Variants in ARHGAP26 observed in about 807,000 individuals in gnomAD.
ARHGAP26 encodes the protein Rho GTPase activating protein 26, also known as rho GTPase-activating protein 26.
In ARHGAP26, 38 loss-of-function variants were observed where a neutral mutation model predicts 104.8. That is an observed-to-expected ratio of 0.36 (90% CI 0.28 to 0.48). The LOEUF (loss-of-function observed/expected upper bound fraction) is 0.48. ARHGAP26 is among the 20% of genes least tolerant of loss of function. The pLI, the probability that ARHGAP26 is intolerant of heterozygous loss-of-function variation, is 0.99. For missense variants in ARHGAP26, 704 were observed against 947.9 expected, an observed-to-expected ratio of 0.74 and a Z score of 3.38; for synonymous variants, 341 against 340.0, an observed-to-expected ratio of 1.00 and a Z score of -0.03.
At chr5:143,192,575 A>C (rs545278812) in intron 20 of ARHGAP26, 48 of 152,356 alleles carry the variant, frequency 3.2e-4, no homozygotes, top group African/African-American at 1.1e-3. Flanking sequence ...TAAACTATTT[A>C]CTTTATGGCC....
chr5:142,772,520 C>T (rs1755425392), intron 1 of ARHGAP26, among the ~76,000 whole-genome samples: 1 of 152,208 alleles, frequency 6.6e-6, no homozygotes, highest in African/African-American at 2.4e-5. Context: ...GCACTGGGCA[C>T]TAAGGGTGTA....
chr5:143,054,313 AT>A, intron 14 of ARHGAP26, 125 bp from the exon 15 acceptor site: 6 of 584,970 alleles, frequency 1.0e-5, no homozygotes, highest in East Asian at 2.9e-5. Context: ...GGTAAAAAAA[AT>A]ACTTGTCATT....
intron 17 of ARHGAP26, among the ~76,000 whole-genome samples, chr5:143,080,258 G>T (rs1789611562): frequency 6.6e-6 from 1 of 152,126 alleles, no homozygotes. Flanking sequence ...TTAAATTGAG[G>T]CAAGATGCAG....
Position 143,092,963 on chromosome 5 carries a change from C to T in ARHGAP26, c.1539-28025C>T, listed in dbSNP as rs62374625. Among the ~76,000 whole-genome samples, 400 of 152,324 alleles carry T rather than the reference C, an allele frequency of 2.6e-3. 1 individual carries two copies. Among genetic ancestry groups the T allele is most frequent in the Non-Finnish European group, 4.2e-3 (287 of 68,030 alleles). On this transcript the variant is annotated intron_variant, in intron 17 of 22. Coordinates refer to ENST00000645722, the MANE Select transcript of ARHGAP26 (RefSeq NM_001135608.3). Reference sequence around the variant, plus strand: ...CAATCACCGGGGAGGAACCATCTATCGTCCTGTCCTGAAGGGAGTTCCTCC... The same window carrying T: ...CAATCACCGGGGAGGAACCATCTATTGTCCTGTCCTGAAGGGAGTTCCTCC...
At chr5:142,881,319 G>T (rs919672815) in intron 4 of ARHGAP26, among the ~76,000 whole-genome samples, 1 of 152,164 alleles carries the variant, frequency 6.6e-6, no homozygotes, top group African/African-American at 2.4e-5. Context: ...TGGCTTGAGG[G>T]TTACCATGGT....
intron 11 of ARHGAP26, among the ~76,000 whole-genome samples, chr5:142,965,788 G>A (rs1318806491): frequency 6.6e-6 from 1 of 152,312 alleles, no homozygotes; most frequent in South Asian, 2.1e-4. Flanking sequence ...TAGCCTAGGT[G>A]CCATACTTGG....
chr5:143,222,182 G>A (rs1811255773), intron 22 of ARHGAP26, among the ~76,000 whole-genome samples, 176 bp from the exon 23 acceptor site: 1 of 151,670 alleles, frequency 6.6e-6, no homozygotes, highest in Non-Finnish European at 1.5e-5. Flanking sequence ...CAGAACCTTT[G>A]GTTTAAACTT....
At chr5:143,127,666 T>C (rs552719439) in intron 18 of ARHGAP26, among the ~76,000 whole-genome samples, 1 of 152,296 alleles carries the variant, frequency 6.6e-6, no homozygotes, top group African/African-American at 2.4e-5. Context: ...TTAGCTCAAT[T>C]TGAGTTGATT....
At chr5:143,175,321 G>A (rs959227748) in intron 20 of ARHGAP26, among the ~76,000 whole-genome samples, 2 of 152,210 alleles carry the variant, frequency 1.3e-5, no homozygotes, top group Non-Finnish European at 2.9e-5. Flanking sequence ...TAAGCAAAAT[G>A]CTTAGGGGTG....
At chr5:142,942,417 A>T (rs1474148541) in intron 11 of ARHGAP26, among the ~76,000 whole-genome samples, 1 of 152,226 alleles carries the variant, frequency 6.6e-6, no homozygotes, top group Non-Finnish European at 1.5e-5. Context: ...GAAATAAGAT[A>T]TCTGGGCAGG....
Position 143,032,821 on chromosome 5 carries a change from C to T in ARHGAP26, c.1145-4375C>T, listed in dbSNP as rs117221124. ...AGTTGATGAGAGTGGAAATCAAGCT[C>T]TTTGTGTGTGTGCATGCATGCACAT... On this transcript the variant is annotated intron_variant, in intron 12 of 22. Coordinates refer to ENST00000645722, the MANE Select transcript of ARHGAP26 (RefSeq NM_001135608.3). 1.2e-3 allele frequency among the ~76,000 whole-genome samples: 180 copies of T among 152,184 alleles called. 1 individual carries two copies. In the East Asian group the frequency reaches 0.026, roughly 22 times the overall value.
intron 11 of ARHGAP26, among the ~76,000 whole-genome samples, chr5:142,976,207 T>C (rs1287607130): frequency 1.3e-5 from 2 of 152,250 alleles, no homozygotes; most frequent in Admixed American, 6.5e-5. Flanking sequence ...TTTTAATACA[T>C]GGTGATGCTT....
intron 1 of ARHGAP26, among the ~76,000 whole-genome samples, chr5:142,823,814 A>G (rs7703925): frequency 0.059 from 9,019 of 152,310 alleles, 416 homozygotes; most frequent in East Asian, 0.12. Flanking sequence ...ATTTAAAGGC[A>G]GTCTTTCCTT....
rs956710231 is a variant in ARHGAP26 at position 142,779,453 on chromosome 5, T to G, written c.154+8538T>G. 4.6e-5 allele frequency among the ~76,000 whole-genome samples: 7 copies of G among 151,936 alleles called. No individual in the cohort carries two copies. In the South Asian group the frequency reaches 1.4e-3, roughly 31 times the overall value. ...TGTGTGTGTGTGTGTGTGTTTTCTT[T>G]GCCAGATAGACAAAGGTTTGAGGGG... On this transcript the variant is annotated intron_variant, in intron 1 of 22. Transcript: ENST00000645722.
At chr5:142,814,619 G>A (rs965135663) in intron 1 of ARHGAP26, among the ~76,000 whole-genome samples, 2 of 152,172 alleles carry the variant, frequency 1.3e-5, no homozygotes, top group African/African-American at 2.4e-5. Context: ...ATAAGATTCT[G>A]GAAGTACTGA....
chr5:143,167,994 G>T (rs1347827852), intron 20 of ARHGAP26, among the ~76,000 whole-genome samples: 1 of 152,186 alleles, frequency 6.6e-6, no homozygotes, highest in African/African-American at 2.4e-5. Flanking sequence ...AATGGTCTAG[G>T]TGCTACAGGA....
intron 1 of ARHGAP26, among the ~76,000 whole-genome samples, chr5:142,861,938 A>G (rs1256781332): frequency 6.6e-6 from 1 of 152,170 alleles, no homozygotes; most frequent in South Asian, 2.1e-4. Context: ...TTGCCCTCAA[A>G]TTCACGTTAG....
chr5:143,062,832 G>A (rs1001793672), intron 17 of ARHGAP26, among the ~76,000 whole-genome samples: 1 of 152,090 alleles, frequency 6.6e-6, no homozygotes, highest in East Asian at 1.9e-4. Flanking sequence ...CCCAAATCTA[G>A]AAGATAAGAT....
At chr5:143,147,177 A>G (rs550112316) in intron 19 of ARHGAP26, 54 bp from the exon 20 acceptor site, 35 of 1,578,296 alleles carry the variant, frequency 2.2e-5, no homozygotes, top group Non-Finnish European at 2.4e-5. Context: ...ATGTAGCAAT[A>G]GACTGTCCCT....
Sources: gnomAD v4.1 joint callset for allele counts (sites outside exome capture counted in the v4.1 genomes callset) on GRCh38, gnomAD v4.1.1 for gene constraint, MANE v1.5 for transcripts, NCBI Gene and HGNC (gene_info 2026-07-23, HGNC 2026-07-21) for gene names.